Variants in TRIM44 observed in about 807,000 individuals in gnomAD.
TRIM44 encodes the protein tripartite motif-containing protein 44.
In TRIM44, 13 loss-of-function variants were observed where a neutral mutation model predicts 37.4. The observed-to-expected ratio is 0.35, with a 90% CI of 0.23 to 0.55. The LOEUF (loss-of-function observed/expected upper bound fraction) is 0.55. TRIM44 is among the 20% of genes least tolerant of loss of function. TRIM44 has a pLI of 0.89. For synonymous variants in TRIM44, 175 were observed against 157.2 expected (o/e 1.11, Z -0.85); for missense variants, 426 against 437.2 (o/e 0.97, Z 0.23).
intron 3 of TRIM44, among the ~76,000 whole-genome samples, chr11:35,731,830 C>T (rs1022406758): frequency 6.6e-6 from 1 of 151,944 alleles, no homozygotes; most frequent in African/African-American, 2.4e-5. Context: ...ATATGATAAC[C>T]ATTTATTTTA....
rs796092540 is a variant in TRIM44, at chr11:35,792,111, A to ACACACACTCTCT, written c.1008-14246_1008-14245insACACACTCTCTC. On this transcript the variant is annotated intron_variant, in intron 4 of 4. Coordinates refer to ENST00000299413, the MANE Select transcript of TRIM44 (RefSeq NM_017583.6). ...CACACACACACACACACACACACAC[A>ACACACACTCTCT]CTCTCTCTCATCATTCTCTATTCCA... Among the ~76,000 whole-genome samples, 206 of 114,342 alleles carry ACACACACTCTCT rather than the reference A, an allele frequency of 1.8e-3. 3 individuals are homozygous for ACACACACTCTCT. The highest frequency in any genetic ancestry group is 2.8e-3 in the Non-Finnish European group (153 of 54,518). 75.0% of individuals were successfully genotyped at this position (114,342 alleles called of 152,430 possible).
At chr11:35,735,318 G>C in intron 3 of TRIM44, 108 bp from the exon 4 acceptor site, 1 of 1,029,420 alleles carries the variant, frequency 9.7e-7, no homozygotes, top group Non-Finnish European at 1.5e-6. Flanking sequence ...TACAATAAAT[G>C]TATAGTCCAT....
At chr11:35,734,608 G>A (rs562801180) in intron 3 of TRIM44, among the ~76,000 whole-genome samples, 5 of 152,284 alleles carry the variant, frequency 3.3e-5, no homozygotes, top group African/African-American at 1.2e-4. Context: ...ACACCAAAAG[G>A]ATGAATGAGG....
At chr11:35,745,362 GGTTGT>G (rs1852474537) in intron 4 of TRIM44, among the ~76,000 whole-genome samples, 1 of 152,054 alleles carries the variant, frequency 6.6e-6, no homozygotes, top group Non-Finnish European at 1.5e-5. Flanking sequence ...TTTTTAATGG[GGTTGT>G]TTTTTTCTTG....
intron 4 of TRIM44, among the ~76,000 whole-genome samples, chr11:35,755,479 C>A (rs1249486730): frequency 6.6e-6 from 1 of 151,960 alleles, no homozygotes; most frequent in Non-Finnish European, 1.5e-5. Flanking sequence ...AGGGTAGTTT[C>A]TTTTGCTGTG....
rs369537413 is a variant in TRIM44, at chr11:35,780,383, T to C, written c.1008-25975T>C. 9.3e-4 allele frequency among the ~76,000 whole-genome samples: 142 copies of C among 152,344 alleles called. 1 individual carries two copies. In the South Asian group the frequency reaches 0.028, roughly 30 times the overall value. On this transcript the variant is annotated intron_variant, in intron 4 of 4. Coordinates refer to ENST00000299413, the MANE Select transcript of TRIM44 (RefSeq NM_017583.6). ...TGAGAATGTACTCAGGACTTCAGAA[T>C]TGGCTGTAGGCTAGACTCCCTTATA...
rs143958152 is a variant in TRIM44 at position 35,663,383 on chromosome 11, T to C, written c.272T>C (p.Ile91Thr). 4 of 1,606,900 alleles carry C rather than the reference T, an allele frequency of 2.5e-6. No individual in the cohort carries two copies. The highest frequency in any genetic ancestry group is 2.7e-5 in the African/African-American group (2 of 73,950). Residue 91 changes from isoleucine to threonine, a missense_variant, in exon 1 of 5, where the codon ATA (isoleucine) becomes ACA (threonine). This residue lies in a region of TRIM44 where 331 missense variants were observed against 303.0 expected (regional missense o/e 1.09). Transcript: ENST00000299413. Reference sequence around the variant, plus strand: ...GTCAAGGTGGAGCAGGAGAGGGAGATAGAAAGCGAGGCAGGGGAAGAGAGT... The same window carrying C: ...GTCAAGGTGGAGCAGGAGAGGGAGACAGAAAGCGAGGCAGGGGAAGAGAGT... ...AEVKVEQERE[I>T]ESEAGEESES...
chr11:35,782,012 T>C (rs1853071771), intron 4 of TRIM44, among the ~76,000 whole-genome samples: 2 of 152,262 alleles, frequency 1.3e-5, no homozygotes, highest in African/African-American at 4.8e-5. Context: ...AGTTATCTAC[T>C]GTGTACCAGG....
At chr11:35,728,676 G>A (rs1278742111) in intron 3 of TRIM44, among the ~76,000 whole-genome samples, 1 of 152,080 alleles carries the variant, frequency 6.6e-6, no homozygotes, top group Non-Finnish European at 1.5e-5. Context: ...TTGTGGTATA[G>A]AATTTATCAA....
chr11:35,782,914 G>A (rs991398922), intron 4 of TRIM44, among the ~76,000 whole-genome samples: 3 of 152,190 alleles, frequency 2.0e-5, no homozygotes, highest in African/African-American at 7.2e-5. Context: ...AAGTTTGTGA[G>A]GTAGAAAGAG....
At chr11:35,760,719 G>C (rs1852713118) in intron 4 of TRIM44, among the ~76,000 whole-genome samples, 1 of 152,146 alleles carries the variant, frequency 6.6e-6, no homozygotes, top group Non-Finnish European at 1.5e-5. Context: ...ATGGTGTTTT[G>C]AAGTACATAT....
Position 35,726,079 on chromosome 11 carries a change from C to T in TRIM44, c.903C>T (p.Ser301=). 2 of 1,614,046 alleles carry T rather than the reference C, an allele frequency of 1.2e-6. No individual in the cohort carries two copies. Among genetic ancestry groups the T allele is most frequent in the Non-Finnish European group, 1.7e-6 (2 of 1,180,008 alleles). ...HVTEILADIQ[S]HMDRLMTQMA... ...CTGAGATACTGGCAGACATCCAATC[C>T]CACATGGATAGGTTGATGACTCAGA... Residue 301 remains serine (S), a synonymous_variant, in exon 3 of 5, where the codon TCC becomes TCT. Coordinates refer to ENST00000299413, the MANE Select transcript of TRIM44 (RefSeq NM_017583.6).
At chr11:35,766,702 T>C (rs1052430630) in intron 4 of TRIM44, among the ~76,000 whole-genome samples, 6 of 152,218 alleles carry the variant, frequency 3.9e-5, no homozygotes, top group African/African-American at 1.4e-4. Flanking sequence ...ACCAAGAATT[T>C]GGAGTCACTG....
rs2135478468 is a variant in TRIM44 at position 35,662,867 on chromosome 11, T to A, written c.-245T>A. On this transcript the variant is annotated 5_prime_UTR_variant, in exon 1 of 5. Transcript: ENST00000299413. ...GGGCGCCGGGTGGCCGCGCCGGAAG[T>A]GCCTTGCGCGGCAGAGGAAGCGCAG... is the stretch of plus-strand genomic sequence containing the variant. 1 of 482,974 alleles carries A rather than the reference T, an allele frequency of 2.1e-6. No individual in the cohort carries two copies. Among genetic ancestry groups the A allele is most frequent in the East Asian group, 4.4e-5 (1 of 22,816 alleles). 29.9% of individuals were successfully genotyped at this position (482,974 alleles called of 1,614,324 possible). A position where few individuals can be genotyped will look rare whatever the true frequency, so the allele number is the denominator to read the frequency against.
intron 3 of TRIM44, among the ~76,000 whole-genome samples, chr11:35,733,104 C>G (rs569204964): frequency 3.3e-5 from 5 of 152,270 alleles, no homozygotes; most frequent in African/African-American, 1.2e-4. Context: ...CAGATTTTCT[C>G]ATTTATTTTA....
chr11:35,758,872 G>A (rs76166865), intron 4 of TRIM44, among the ~76,000 whole-genome samples: 151 of 152,308 alleles, frequency 9.9e-4, no homozygotes, highest in African/African-American at 3.4e-3. Context: ...GACATCAGCC[G>A]TTAGTCTGAT....
In TRIM44 at chr11:35,735,494, C is replaced by T. The variant is rs143227400; in HGVS notation, c.1007+49C>T. 7 of 1,599,348 alleles carry T rather than the reference C, an allele frequency of 4.4e-6. No homozygotes were observed. The East Asian group carries it at 8.9e-5, about 20-fold the overall frequency. On this transcript the variant is annotated intron_variant, in intron 4 of 4. Coordinates refer to ENST00000299413, the MANE Select transcript of TRIM44 (RefSeq NM_017583.6). ...TTTTCTCATAATTGAAGTAGAGTGA[C>T]ATTTGTGGCCTTTTAGTGCTCCATG... is the stretch of plus-strand genomic sequence containing the variant.
intron 4 of TRIM44, among the ~76,000 whole-genome samples, chr11:35,778,214 G>A (rs921499685): frequency 2.0e-5 from 3 of 151,714 alleles, no homozygotes; most frequent in East Asian, 3.9e-4. Context: ...TTTCATCCTC[G>A]ATCACTGATA....
chr11:35,716,902 G>A (rs1381758664), intron 2 of TRIM44, among the ~76,000 whole-genome samples: 5 of 152,110 alleles, frequency 3.3e-5, no homozygotes, highest in Non-Finnish European at 7.4e-5. Flanking sequence ...CTGTAAATGG[G>A]TATAATAATA....
Sources: gnomAD v4.1 joint callset for allele counts (sites outside exome capture counted in the v4.1 genomes callset) on GRCh38, gnomAD v4.1.1 for gene constraint, gnomAD v4.1.1 regional missense constraint, MANE v1.5 for transcripts, NCBI Gene and HGNC (gene_info 2026-07-23, HGNC 2026-07-21) for gene names.